The following ROR2 variants were observed in gnomAD, a reference collection of about 807,000 sequenced individuals.
ROR2 encodes the protein tyrosine-protein kinase transmembrane receptor ROR2.
ROR2 carries 33 observed loss-of-function variants against 74.9 expected under a neutral mutation model. The ratio of observed to expected loss-of-function variants is 0.44; its 90% CI spans 0.33 to 0.59. ROR2 has a LOEUF of 0.59. Among genes scored for constraint, ROR2 ranks in the 20% least tolerant of loss-of-function variants. The pLI, the probability that ROR2 is intolerant of heterozygous loss-of-function variation, is 0.02. For synonymous variants in ROR2, 586 were observed against 558.7 expected (o/e 1.05, Z -0.69); for missense variants, 1,216 against 1,313.8 (o/e 0.93, Z 1.15).
At chr9:91,763,151 AAC>A (rs1825965932) in intron 2 of ROR2, among the ~76,000 whole-genome samples, 1 of 152,204 alleles carries the variant, frequency 6.6e-6, no homozygotes, top group Non-Finnish European at 1.5e-5. Flanking sequence ...AGAAGGGAAC[AAC>A]AGACACCAGG....
At chr9:91,882,469 A>G (rs1830142148) in intron 1 of ROR2, among the ~76,000 whole-genome samples, 1 of 152,052 alleles carries the variant, frequency 6.6e-6, no homozygotes, top group Admixed American at 6.6e-5. Context: ...GAGAGCTGGA[A>G]GGTGGTCTCC....
intron 1 of ROR2, among the ~76,000 whole-genome samples, chr9:91,787,134 A>G (rs981760987): frequency 7.2e-5 from 11 of 152,220 alleles, no homozygotes; most frequent in African/African-American, 2.4e-4. Context: ...CAAGGCATGT[A>G]TGGAAAGGAA....
chr9:91,918,649 G>A (rs564591240), intron 1 of ROR2, among the ~76,000 whole-genome samples: 1 of 152,276 alleles, frequency 6.6e-6, no homozygotes, highest in African/African-American at 2.4e-5. Context: ...AGTAGTGATG[G>A]TTATACGATT....
At chr9:91,743,601 G>A (rs370920029) in intron 4 of ROR2, among the ~76,000 whole-genome samples, 16 of 151,736 alleles carry the variant, frequency 1.1e-4, no homozygotes, top group Non-Finnish European at 2.1e-4. Context: ...AGAAAAATAC[G>A]ATAAGGACAT....
At chr9:91,874,082 A>G (rs372611356) in intron 1 of ROR2, among the ~76,000 whole-genome samples, 1 of 152,202 alleles carries the variant, frequency 6.6e-6, no homozygotes, top group East Asian at 1.9e-4. Context: ...GGCATGAGAA[A>G]GTGATCGCAT....
chr9:91,949,020 A>C, intron 1 of ROR2: 1 of 787,858 alleles, frequency 1.3e-6, no homozygotes, highest in Non-Finnish European at 1.5e-6. Flanking sequence ...AGCAGCCGAA[A>C]CCGCGCAGGG....
In ROR2 at chr9:91,936,939, G is replaced by A. The variant is rs925275248; in HGVS notation, c.97+12928C>T. Among the ~76,000 whole-genome samples the A allele has an allele frequency of 1.4e-4, 21 of 146,668 alleles. No individual in the cohort carries two copies. The South Asian group carries it at 2.0e-3, about 14-fold the overall frequency. On this transcript the variant is annotated intron_variant, in intron 1 of 8. Transcript: ENST00000375708. ...CAGCTACTTGGGAGGCTGAGGCAGG[G>A]GAATGGCGTGAACCCGGGAGGCGGA... is the stretch of plus-strand genomic sequence containing the variant.
intron 1 of ROR2, among the ~76,000 whole-genome samples, chr9:91,879,940 T>G (rs1830059760): frequency 6.6e-6 from 1 of 152,098 alleles, no homozygotes; most frequent in South Asian, 2.1e-4. Context: ...AGGTCAATAC[T>G]AAGTTTTTCA....
At chr9:91,754,114 C>T (rs113152781) in intron 4 of ROR2, among the ~76,000 whole-genome samples, 1,565 of 151,478 alleles carry the variant, frequency 0.01, 13 homozygotes, top group African/African-American at 0.02. Context: ...CGAAACTGCC[C>T]CAGTCATTTA....
intron 1 of ROR2, among the ~76,000 whole-genome samples, chr9:91,900,669 G>A (rs1830655912): frequency 6.6e-6 from 1 of 152,190 alleles, no homozygotes; most frequent in African/African-American, 2.4e-5. Flanking sequence ...CATGGACTGG[G>A]GGCAGCTGGG....
chr9:91,911,234 A>G (rs1189747691), intron 1 of ROR2, among the ~76,000 whole-genome samples: 2 of 152,234 alleles, frequency 1.3e-5, no homozygotes, highest in Admixed American at 6.5e-5. Context: ...GTGTCCCCTA[A>G]GGACAGGGAT....
chr9:91,803,740 C>T (rs562536593), intron 1 of ROR2, among the ~76,000 whole-genome samples: 25 of 152,222 alleles, frequency 1.6e-4, no homozygotes, highest in African/African-American at 6.0e-4. Flanking sequence ...CACAGCCCTA[C>T]GTGGGCGTAC....
chr9:91,781,858 C>T (rs894091607), intron 1 of ROR2, among the ~76,000 whole-genome samples: 1 of 152,194 alleles, frequency 6.6e-6, no homozygotes, highest in Non-Finnish European at 1.5e-5. Flanking sequence ...CTAAAGCAAA[C>T]GTATTAAACC....
intron 1 of ROR2, among the ~76,000 whole-genome samples, chr9:91,889,304 G>A (rs1482308985): frequency 6.6e-6 from 1 of 152,150 alleles, no homozygotes; most frequent in Non-Finnish European, 1.5e-5. Flanking sequence ...AGGGCCCCAG[G>A]CACACAACGC....
intron 1 of ROR2, among the ~76,000 whole-genome samples, chr9:91,931,152 A>C (rs1020044023): frequency 6.5e-4 from 99 of 152,358 alleles, no homozygotes; most frequent in Non-Finnish European, 1.1e-3. Flanking sequence ...ATAAATATCA[A>C]GAAGAAAAAA....
chr9:91,837,646 A>G (rs550290053), intron 1 of ROR2, among the ~76,000 whole-genome samples: 1 of 152,224 alleles, frequency 6.6e-6, no homozygotes, highest in African/African-American at 2.4e-5. Flanking sequence ...GCCATCTCAT[A>G]AATTTTTCAT....
intron 4 of ROR2, among the ~76,000 whole-genome samples, chr9:91,746,596 G>A (rs1825428094): frequency 6.6e-6 from 1 of 152,112 alleles, no homozygotes; most frequent in Non-Finnish European, 1.5e-5. Context: ...GGCGAGAGGT[G>A]CCTTCAAATC....
At chr9:91,843,023 A>G (rs1226710718) in intron 1 of ROR2, among the ~76,000 whole-genome samples, 1 of 152,190 alleles carries the variant, frequency 6.6e-6, no homozygotes, top group East Asian at 1.9e-4. Context: ...TTTACAAACT[A>G]TTTGCTAAAA....
chr9:91,895,652 TG>T (rs1830518159), intron 1 of ROR2, among the ~76,000 whole-genome samples: 1 of 152,202 alleles, frequency 6.6e-6, no homozygotes, highest in Admixed American at 6.5e-5. Flanking sequence ...AAGACCAGCC[TG>T]GCCAACATGG....
Sources: gnomAD v4.1 joint callset for allele counts (sites outside exome capture counted in the v4.1 genomes callset) on GRCh38, gnomAD v4.1.1 for gene constraint, MANE v1.5 for transcripts, NCBI Gene and HGNC (gene_info 2026-07-23, HGNC 2026-07-21) for gene names.